DMD: variants seen among roughly 807,000 people sequenced by gnomAD.
DMD encodes the protein dystrophin.
DMD carries 63 observed loss-of-function variants against 330.1 expected under a neutral mutation model. The ratio of observed to expected loss-of-function variants is 0.19; its 90% confidence interval spans 0.16 to 0.24. DMD has a LOEUF of 0.24. Ranked by LOEUF, DMD falls within the 10% of genes least tolerant of loss-of-function variation. The pLI, the probability that DMD is intolerant of heterozygous loss-of-function variation, is 1.00. For synonymous variants in DMD, 1,223 were observed against 959.8 expected (o/e 1.27, Z -5.07); for missense variants, 3,344 against 2,684.1 (o/e 1.25, Z -5.43).
chrX:32,241,775 C>G (rs72626023), intron 43 of DMD, among the ~76,000 whole-genome samples: 19,354 of 111,257 alleles, frequency 0.17, 1,410 homozygotes, highest in African/African-American at 0.26. Context: ...TTTTTATTTT[C>G]TATTTTTTCA....
chrX:32,722,709 T>C (rs1348713255), intron 7 of DMD, among the ~76,000 whole-genome samples: 1 of 111,409 alleles, frequency 9.0e-6, no homozygotes, highest in Non-Finnish European at 1.9e-5. Context: ...TTCTATGTTA[T>C]CATAAATAGA....
intron 25 of DMD, among the ~76,000 whole-genome samples, chrX:32,462,103 G>C (rs2098385500): frequency 9.0e-6 from 1 of 111,026 alleles, no homozygotes; most frequent in African/African-American, 3.3e-5. Flanking sequence ...TTCCAAAAAG[G>C]TACAGTAGTT....
At chrX:32,589,296 A>G (rs1050512910) in intron 13 of DMD, among the ~76,000 whole-genome samples, 5 of 111,653 alleles carry the variant, frequency 4.5e-5, no homozygotes, top group Non-Finnish European at 9.4e-5. Context: ...AGCATAGAGT[A>G]TAATTATTAG....
chrX:32,851,081 T>A (rs1301732964), intron 2 of DMD, among the ~76,000 whole-genome samples: 1 of 111,985 alleles, frequency 8.9e-6, no homozygotes, highest in Non-Finnish European at 1.9e-5. Context: ...GTGACTGTGC[T>A]CTTTACATAC....
At chrX:32,259,242 C>G (rs1188988219) in intron 43 of DMD, among the ~76,000 whole-genome samples, 2 of 110,210 alleles carry the variant, frequency 1.8e-5, no homozygotes, top group Non-Finnish European at 3.8e-5. Flanking sequence ...TATACCTACT[C>G]AAATCTGTCT....
intron 62 of DMD, among the ~76,000 whole-genome samples, chrX:31,305,871 A>G (rs760484957): frequency 8.9e-6 from 1 of 112,732 alleles, no homozygotes; most frequent in Non-Finnish European, 1.9e-5. Context: ...TTTACAAACT[A>G]GTTATACTTG....
intron 51 of DMD, among the ~76,000 whole-genome samples, chrX:31,761,719 G>A (rs1014410432): frequency 8.9e-6 from 1 of 112,197 alleles, no homozygotes; most frequent in African/African-American, 3.2e-5. Flanking sequence ...AAAATATTCA[G>A]AGGCAGAAAG....
intron 7 of DMD, among the ~76,000 whole-genome samples, chrX:32,743,842 G>T (rs1224854318): frequency 9.0e-6 from 1 of 111,220 alleles, no homozygotes; most frequent in Admixed American, 9.6e-5. Flanking sequence ...GTGATGGGTG[G>T]TTAGTCTCTC....
chrX:31,195,704 A>C (rs1210318828), intron 67 of DMD, among the ~76,000 whole-genome samples: 1 of 105,318 alleles, frequency 9.5e-6, no homozygotes, highest in Non-Finnish European at 2.0e-5. Flanking sequence ...GAAGGAAGAA[A>C]GGAAGGAAGG....
chrX:32,461,901 T>C (rs1018326516), intron 25 of DMD, among the ~76,000 whole-genome samples: 1 of 111,055 alleles, frequency 9.0e-6, no homozygotes, highest in African/African-American at 3.3e-5. Context: ...CATCTGTGAA[T>C]TAACAGAACC....
chrX:32,322,952 C>T (rs1307071159), intron 41 of DMD, among the ~76,000 whole-genome samples: 1 of 112,199 alleles, frequency 8.9e-6, no homozygotes, highest in East Asian at 2.8e-4. Context: ...TATGTTTTTA[C>T]GAGGACATTT....
chrX:32,929,093 T>G (rs1170709234), intron 2 of DMD, among the ~76,000 whole-genome samples: 2 of 111,207 alleles, frequency 1.8e-5, no homozygotes, highest in Non-Finnish European at 3.8e-5. Context: ...GAAGCAGTGG[T>G]GCTTAATAGA....
intron 15 of DMD, among the ~76,000 whole-genome samples, chrX:32,567,077 G>A (rs1350434393): frequency 1.8e-5 from 2 of 111,627 alleles, no homozygotes; most frequent in Non-Finnish European, 3.8e-5. Context: ...TCCTGAAAAG[G>A]ACAATCTAAG....
In DMD at chrX:32,719,879, C is replaced by T. The variant is rs187688155; in HGVS notation, c.650-20586G>A. Among the ~76,000 whole-genome samples, 163 of 110,412 alleles carry T rather than the reference C, an allele frequency of 1.5e-3. 1 individual carries two copies. Among genetic ancestry groups the T allele is most frequent in the African/African-American group, 5.1e-3 (157 of 30,512 alleles). On this transcript the variant is annotated intron_variant, in intron 7 of 78. Coordinates refer to ENST00000357033, the MANE Select transcript of DMD (RefSeq NM_004006.3). ...CTCTGAACGTTTATCACCAGATAGACTCTATCATATAATACGTTGTTATCC... is the reference window on the plus strand; with the variant it reads ...CTCTGAACGTTTATCACCAGATAGATTCTATCATATAATACGTTGTTATCC...
chrX:31,408,636 T>C (rs1463518415), intron 60 of DMD, among the ~76,000 whole-genome samples: 3 of 111,057 alleles, frequency 2.7e-5, no homozygotes, highest in Admixed American at 1.9e-4. Context: ...TGACTTCAAG[T>C]GATCCGCCTG....
intron 7 of DMD, among the ~76,000 whole-genome samples, chrX:32,716,604 C>T (rs952649972): frequency 2.7e-5 from 3 of 110,824 alleles, no homozygotes; most frequent in Non-Finnish European, 5.7e-5. Context: ...TACATGAGAA[C>T]GTGGAACTAA....
At chrX:32,639,220 G>A (rs1423344411) in intron 11 of DMD, among the ~76,000 whole-genome samples, 1 of 111,792 alleles carries the variant, frequency 8.9e-6, no homozygotes, top group Non-Finnish European at 1.9e-5. Flanking sequence ...CTCTCTGCAG[G>A]TTGCATTTTT....
chrX:31,735,078 G>T (rs1316694649), intron 51 of DMD, among the ~76,000 whole-genome samples: 2 of 110,897 alleles, frequency 1.8e-5, no homozygotes, highest in African/African-American at 6.6e-5. Flanking sequence ...TGGGTGTGGT[G>T]GGAATACTAA....
At chrX:31,604,853 A>G (rs755342703) in intron 55 of DMD, among the ~76,000 whole-genome samples, 4 of 111,626 alleles carry the variant, frequency 3.6e-5, no homozygotes, top group African/African-American at 6.5e-5. Context: ...ATTCATCAAT[A>G]AAAGGTGCAT....
Sources: allele counts gnomAD v4.1 joint callset (sites outside exome capture counted in the v4.1 genomes callset), GRCh38; gene constraint gnomAD v4.1.1; transcripts MANE v1.5; gene names NCBI Gene and HGNC (gene_info 2026-07-23, HGNC 2026-07-21).